The following PDE7B variants were observed in gnomAD, a reference collection of about 807,000 sequenced individuals.
PDE7B encodes the protein phosphodiesterase 7B.
Under a neutral mutation model 56.2 loss-of-function variants are expected in PDE7B, and 29 were observed. The observed-to-expected ratio is 0.52, with a 90% CI of 0.38 to 0.70. The LOEUF (loss-of-function observed/expected upper bound fraction) is 0.70. PDE7B is among the 30% of genes least tolerant of loss of function. The pLI is 0.00. For missense variants in PDE7B, 490 were observed against 565.0 expected (o/e 0.87, Z 1.35); for synonymous variants, 197 against 196.9 (o/e 1.00, Z 0.00).
At chr6:136,046,896 C>A (rs575412418) in intron 2 of PDE7B, among the ~76,000 whole-genome samples, 1 of 152,244 alleles carries the variant, frequency 6.6e-6, no homozygotes, top group South Asian at 2.1e-4. Flanking sequence ...GAAGGCCAAA[C>A]AATGAATATC....
At chr6:135,971,702 A>G (rs1466819361) in intron 2 of PDE7B, among the ~76,000 whole-genome samples, 2 of 152,176 alleles carry the variant, frequency 1.3e-5, no homozygotes, top group Non-Finnish European at 1.5e-5. Context: ...CTCATTGCAT[A>G]TGGTTAAGCA....
intron 2 of PDE7B, among the ~76,000 whole-genome samples, chr6:135,957,502 G>A (rs1774818543): frequency 6.6e-6 from 1 of 152,038 alleles, no homozygotes; most frequent in Non-Finnish European, 1.5e-5. Flanking sequence ...CTCCTTAACT[G>A]CTTCCCGGTC....
At chr6:136,073,038 C>T (rs551583628) in intron 2 of PDE7B, among the ~76,000 whole-genome samples, 32 of 152,126 alleles carry the variant, frequency 2.1e-4, no homozygotes, top group African/African-American at 7.2e-4. Flanking sequence ...GGGGCTGGGC[C>T]GCTTGGAGAC....
At chr6:135,890,606 T>C (rs558146821) in intron 1 of PDE7B, among the ~76,000 whole-genome samples, 1 of 152,294 alleles carries the variant, frequency 6.6e-6, no homozygotes, top group East Asian at 1.9e-4. Flanking sequence ...CTGCACCATC[T>C]TCCCTGAGAT....
chr6:136,127,286 C>T (rs1305525635), intron 3 of PDE7B, among the ~76,000 whole-genome samples: 1 of 152,084 alleles, frequency 6.6e-6, no homozygotes, highest in East Asian at 1.9e-4. Context: ...CCAAGAATGC[C>T]CCCCCAACAT....
chr6:135,928,187 G>A (rs1056260022), intron 1 of PDE7B, among the ~76,000 whole-genome samples: 1 of 151,748 alleles, frequency 6.6e-6, no homozygotes, highest in African/African-American at 2.4e-5. Context: ...ACACACTGCT[G>A]GTGGGAATGT....
chr6:136,160,848 C>G (rs1016390070), intron 8 of PDE7B, among the ~76,000 whole-genome samples: 10 of 152,142 alleles, frequency 6.6e-5, no homozygotes, highest in Non-Finnish European at 1.3e-4. Context: ...TCAGCAGATA[C>G]ATACGGAGTG....
chr6:135,871,807 C>G (rs906738724), intron 1 of PDE7B, among the ~76,000 whole-genome samples: 1 of 151,984 alleles, frequency 6.6e-6, no homozygotes, highest in Admixed American at 6.6e-5. Flanking sequence ...ATATAATATA[C>G]ACATTCATGT....
chr6:135,903,515 G>T (rs1403867771), intron 1 of PDE7B, among the ~76,000 whole-genome samples: 2 of 152,280 alleles, frequency 1.3e-5, no homozygotes, highest in East Asian at 3.9e-4. Context: ...TCTAAAAGTT[G>T]TTTAGGGGTA....
At chr6:136,005,579 G>A (rs370813211) in intron 2 of PDE7B, among the ~76,000 whole-genome samples, 11 of 152,202 alleles carry the variant, frequency 7.2e-5, no homozygotes, top group South Asian at 4.1e-4. Flanking sequence ...GAAGACATTT[G>A]TGCAGCCAAA....
intron 1 of PDE7B, among the ~76,000 whole-genome samples, chr6:135,886,295 G>T (rs774271909): frequency 1.3e-5 from 2 of 152,038 alleles, no homozygotes; most frequent in East Asian, 1.9e-4. Flanking sequence ...ACCTCTGCAG[G>T]ATGATAACAA....
intron 2 of PDE7B, among the ~76,000 whole-genome samples, chr6:136,063,944 C>T (rs1490885886): frequency 6.6e-6 from 1 of 152,176 alleles, no homozygotes; most frequent in Non-Finnish European, 1.5e-5. Context: ...TCCCCTCCAA[C>T]ACCCATTTGT....
chr6:136,143,998 T>C (rs1778370546), intron 3 of PDE7B, among the ~76,000 whole-genome samples: 1 of 152,068 alleles, frequency 6.6e-6, no homozygotes, highest in South Asian at 2.1e-4. Context: ...TTTAGTATTT[T>C]GAGATGGGGG....
rs185496985 is a variant in PDE7B at position 135,880,468 on chromosome 6, G to A, written c.21+28449G>A. ...GAAGGAAAATCTCAGGCAAGGGTACGGTAAGTTGTATGTGTAGAACTAAGG... is the reference window on the plus strand; with the variant it reads ...GAAGGAAAATCTCAGGCAAGGGTACAGTAAGTTGTATGTGTAGAACTAAGG... On this transcript the variant is annotated intron_variant, in intron 1 of 12. Coordinates refer to ENST00000308191, the MANE Select transcript of PDE7B (RefSeq NM_018945.4). 2.7e-3 allele frequency among the ~76,000 whole-genome samples: 409 copies of A among 152,224 alleles called. 2 individuals are homozygous for A. Among genetic ancestry groups the A allele is most frequent in the African/African-American group, 9.1e-3 (379 of 41,540 alleles).
intron 1 of PDE7B, among the ~76,000 whole-genome samples, chr6:135,896,724 G>A (rs1464446934): frequency 6.6e-6 from 1 of 152,108 alleles, no homozygotes; most frequent in Non-Finnish European, 1.5e-5. Flanking sequence ...AACCAAATCA[G>A]TCTGGCTCCC....
chr6:135,956,057 G>A (rs1774787846), intron 2 of PDE7B, among the ~76,000 whole-genome samples: 1 of 152,164 alleles, frequency 6.6e-6, no homozygotes, highest in African/African-American at 2.4e-5. Context: ...GTGAGATGAG[G>A]TTGTGCTTTG....
At chr6:136,160,898 A>C (rs1026686440) in intron 8 of PDE7B, among the ~76,000 whole-genome samples, 7 of 152,200 alleles carry the variant, frequency 4.6e-5, no homozygotes, top group Non-Finnish European at 2.9e-5. Flanking sequence ...AAGATGAACA[A>C]AACAAATAAA....
rs112369804 is a variant in PDE7B at position 136,007,499 on chromosome 6, A to G, written c.82+59975A>G. On this transcript the variant is annotated intron_variant, in intron 2 of 12. Transcript: ENST00000308191. ...TTGGTATAACATACAGGAAGGAACT[A>G]GTTGTGACACCCTCAATAAGTTACT... is the stretch of plus-strand genomic sequence containing the variant. Among the ~76,000 whole-genome samples the G allele has an allele frequency of 3.0e-3, 451 of 152,178 alleles. 2 individuals carry two copies. The highest frequency in any genetic ancestry group is 0.01 in the African/African-American group (423 of 41,544).
At position 136,179,011 on chromosome 6, in the gene PDE7B, A is replaced by G; in HGVS notation, c.818A>G (p.Gln273Arg). 1 of 1,614,214 alleles carries G rather than the reference A, an allele frequency of 6.2e-7. No individual in the cohort carries two copies. Among genetic ancestry groups the G allele is most frequent in the Non-Finnish European group, 8.5e-7 (1 of 1,180,014 alleles). Residue 273 changes from glutamine to arginine, a missense_variant, in exon 10 of 13, where the codon CAG (glutamine) becomes CGG (arginine). By Grantham distance (43) the Gln-to-Arg change is conservative. Coordinates refer to ENST00000308191, the MANE Select transcript of PDE7B (RefSeq NM_018945.4). ...TGTGGATGCAGACAGGATATTGAAC[A>G]GCAGCTGGGCTCCTTGATCTTGGCA... ...LPKEMTQDIE[Q>R]QLGSLILATD...
Sources: gnomAD v4.1 joint callset for allele counts (sites outside exome capture counted in the v4.1 genomes callset) on GRCh38, gnomAD v4.1.1 for gene constraint, MANE v1.5 for transcripts, NCBI Gene and HGNC (gene_info 2026-07-23, HGNC 2026-07-21) for gene names.